SHISA9: variants seen among roughly 807,000 people sequenced by gnomAD.
SHISA9 encodes protein shisa-9.
In SHISA9, 13 loss-of-function variants were observed where a neutral mutation model predicts 38.0. The ratio of observed to expected loss-of-function variants is 0.34; its 90% confidence interval spans 0.22 to 0.54. The LOEUF (loss-of-function observed/expected upper bound fraction) is 0.54, where lower values mean the gene tolerates loss of function less well. Among genes scored for constraint, SHISA9 ranks in the 20% least tolerant of loss-of-function variants. The probability of loss-of-function intolerance (pLI) is 0.91; values close to 1 mark genes in which losing one functional copy is unlikely to be tolerated. For synonymous variants in SHISA9, 275 were observed against 242.0 expected, an observed-to-expected ratio of 1.14 and a Z score of -1.27; for missense variants, 538 against 575.8, an observed-to-expected ratio of 0.93 and a Z score of 0.67.
chr16:13,090,037 T>C (rs541243531), intron 2 of SHISA9, among the ~76,000 whole-genome samples: 1 of 152,234 alleles, frequency 6.6e-6, no homozygotes, highest in Admixed American at 6.5e-5. Flanking sequence ...ACATCTTTAT[T>C]TCTGCCTTCA....
At chr16:13,290,802 T>C in the SHISA9 span, among the ~76,000 whole-genome samples, 2 of 152,164 alleles carry the variant, frequency 1.3e-5, no homozygotes, top group Admixed American at 6.5e-5. Context: ...CTTGGGACTT[T>C]GCTTCTCCAA....
the SHISA9 span, among the ~76,000 whole-genome samples, chr16:13,248,908 G>A: frequency 6.6e-6 from 1 of 152,172 alleles, no homozygotes; most frequent in Non-Finnish European, 1.5e-5. Context: ...GACCTTATGT[G>A]CATTACTCTA....
the SHISA9 span, among the ~76,000 whole-genome samples, chr16:13,480,131 G>A: frequency 1.6e-4 from 25 of 152,290 alleles, no homozygotes; most frequent in African/African-American, 5.5e-4. Context: ...TTTGCTTGGT[G>A]TGCGGTGTAG....
At chr16:13,154,927 G>GTCCCTCTCTAGACA (rs1415304701) in intron 2 of SHISA9, among the ~76,000 whole-genome samples, 1 of 152,234 alleles carries the variant, frequency 6.6e-6, no homozygotes, top group Admixed American at 6.5e-5. Context: ...TGGGAACTCT[G>GTCCCTCTCTAGACA]TCCCTCTCTA....
At chr16:13,395,871 T>C in the SHISA9 span, among the ~76,000 whole-genome samples, 5 of 152,168 alleles carry the variant, frequency 3.3e-5, no homozygotes, top group Non-Finnish European at 5.9e-5. Context: ...CTACAGCTGT[T>C]TCAAAGAGGA....
At chr16:13,101,212 A>G (rs570107381) in intron 2 of SHISA9, among the ~76,000 whole-genome samples, 18 of 152,332 alleles carry the variant, frequency 1.2e-4, no homozygotes, top group African/African-American at 4.3e-4. Flanking sequence ...CATTGCTAAC[A>G]ATACTGTACT....
chr16:13,236,962 C>T lies in SHISA9; in HGVS notation c.*1553C>T, dbSNP rs1205011396. 6.6e-6 allele frequency: 1 copy of T among 152,146 alleles called. No homozygotes were observed. Among genetic ancestry groups the T allele is most frequent in the African/African-American group, 2.4e-5 (1 of 41,416 alleles). The allele number at this position is 152,146 out of a possible 1,614,324, so 9.4% of individuals were successfully genotyped here. ...TTGGGGTCCCAGCAAAGTCAGTTTT[C>T]CTACAAGTTGTGTTTGTTTTGTGGA... On this transcript the variant is annotated 3_prime_UTR_variant, in exon 5 of 5. Coordinates refer to ENST00000558583, the MANE Select transcript of SHISA9 (RefSeq NM_001145204.3).
the SHISA9 span, among the ~76,000 whole-genome samples, chr16:13,537,351 T>G: frequency 6.6e-6 from 1 of 151,518 alleles, no homozygotes; most frequent in Admixed American, 6.6e-5. Flanking sequence ...TCACTTAAAC[T>G]TGGGAGGTGG....
rs142472982 is a variant in SHISA9, at chr16:13,092,943, G to A, written c.692-110451G>A. Among the ~76,000 whole-genome samples the A allele has an allele frequency of 6.2e-3, 945 of 152,222 alleles. 10 individuals are homozygous for A. Among genetic ancestry groups the A allele is most frequent in the African/African-American group, 0.021 (891 of 41,534 alleles). The stretch of plus-strand genomic sequence containing the variant: ...CTGCAGACCAGAGCTGTTCCTATTC[G>A]GCCATCTTGGAAAGCCGTAATTGAG... On this transcript the variant is annotated intron_variant, in intron 2 of 4. Transcript: ENST00000558583.
chr16:13,356,101 T>G, the SHISA9 span, among the ~76,000 whole-genome samples: 1 of 152,210 alleles, frequency 6.6e-6, no homozygotes, highest in Non-Finnish European at 1.5e-5. Flanking sequence ...GAAGTTCTTG[T>G]GTGCTGGAGA....
chr16:13,499,599 T>C, the SHISA9 span, among the ~76,000 whole-genome samples: 5 of 152,102 alleles, frequency 3.3e-5, no homozygotes, highest in Non-Finnish European at 7.3e-5. Flanking sequence ...ATATAAATTC[T>C]CTATAATATA....
intron 2 of SHISA9, among the ~76,000 whole-genome samples, chr16:13,172,671 G>A (rs984736005): frequency 5.3e-5 from 8 of 151,316 alleles, no homozygotes; most frequent in Non-Finnish European, 8.8e-5. Context: ...CTGGTTTCGC[G>A]TCTGTTTAGG....
the SHISA9 span, among the ~76,000 whole-genome samples, chr16:13,342,649 A>T: frequency 1.3e-5 from 2 of 151,904 alleles, no homozygotes; most frequent in Non-Finnish European, 1.5e-5. Flanking sequence ...TAATACAATA[A>T]CTCTTCAACT....
At chr16:13,051,278 C>A (rs1195410219) in intron 2 of SHISA9, among the ~76,000 whole-genome samples, 2 of 152,210 alleles carry the variant, frequency 1.3e-5, no homozygotes, top group Admixed American at 6.5e-5. Flanking sequence ...AGAGCATGTG[C>A]AGGGGAACTC....
chr16:13,356,511 G>A, the SHISA9 span, among the ~76,000 whole-genome samples: 4 of 152,264 alleles, frequency 2.6e-5, no homozygotes, highest in South Asian at 2.1e-4. Flanking sequence ...GTCACGGAAC[G>A]AAACGGTAAG....
the SHISA9 span, among the ~76,000 whole-genome samples, chr16:13,315,445 C>T: frequency 8.5e-5 from 13 of 152,132 alleles, no homozygotes; most frequent in Non-Finnish European, 1.6e-4. Flanking sequence ...GGTTTATGCC[C>T]CATATTCATT....
the SHISA9 span, among the ~76,000 whole-genome samples, chr16:13,465,880 T>C: frequency 6.6e-6 from 1 of 152,204 alleles, no homozygotes; most frequent in Non-Finnish European, 1.5e-5. Context: ...CACAGGCAAA[T>C]CCATTTAGGT....
chr16:13,135,375 C>G (rs1293260000), intron 2 of SHISA9, among the ~76,000 whole-genome samples: 1 of 152,206 alleles, frequency 6.6e-6, no homozygotes, highest in Admixed American at 6.5e-5. Flanking sequence ...CAGCAGATAG[C>G]CTGCAACTAA....
At chr16:12,912,955 C>A (rs1354420080) in intron 1 of SHISA9, among the ~76,000 whole-genome samples, 1 of 152,138 alleles carries the variant, frequency 6.6e-6, no homozygotes, top group East Asian at 1.9e-4. Context: ...CCATCATCTT[C>A]ACGTGTCCAA....
Sources: gnomAD v4.1 joint callset for allele counts (sites outside exome capture counted in the v4.1 genomes callset) on GRCh38, gnomAD v4.1.1 for gene constraint, MANE v1.5 for transcripts, NCBI Gene and HGNC (gene_info 2026-07-23, HGNC 2026-07-21) for gene names.